The following MYO1A variants were observed in gnomAD, a reference collection of about 807,000 sequenced individuals.
MYO1A encodes the protein myosin IA, also known as unconventional myosin-Ia.
A neutral mutation model predicts 138.5 loss-of-function variants in MYO1A; 127 were observed. The ratio of observed to expected loss-of-function variants is 0.92; its 90% CI spans 0.79 to 1.06. The LOEUF (loss-of-function observed/expected upper bound fraction) is 1.06. Among genes scored for constraint, MYO1A ranks in the 50% least tolerant of loss-of-function variants. The pLI is 0.00. For synonymous variants in MYO1A, 477 were observed against 497.5 expected, an observed-to-expected ratio of 0.96 and a Z score of 0.55; for missense variants, 1,211 against 1,288.8, an observed-to-expected ratio of 0.94 and a Z score of 0.92.
intron 10 of MYO1A, 107 bp downstream of exon 10, chr12:57,043,749 G>A: frequency 6.9e-7 from 1 of 1,453,488 alleles, no homozygotes; most frequent in South Asian, 1.2e-5. Context: ...GGGCTGAGTG[G>A]GACTGCATCA....
chr12:57,032,740 G>C (rs1327501430), intron 22 of MYO1A, among the ~76,000 whole-genome samples: 1 of 152,172 alleles, frequency 6.6e-6, no homozygotes, highest in Non-Finnish European at 1.5e-5. Context: ...GAGGATCAGA[G>C]AGTAGGTCGG....
At chr12:57,044,044 C>A in intron 9 of MYO1A, 41 bp from the exon 10 acceptor site, 1 of 1,614,174 alleles carries the variant, frequency 6.2e-7, no homozygotes, top group Non-Finnish European at 8.5e-7. Flanking sequence ...ACTGTTGGTG[C>A]CAGTCCAATG....
chr12:57,037,557 G>A lies in MYO1A; in HGVS notation c.2046C>T (p.Ser682=), dbSNP rs758767443. The change falls in exon 19 of 28, where the codon AGC becomes AGT. Residue 682 remains serine, a synonymous_variant. Transcript: ENST00000300119. ...AFGKTKIFIR[S]PKTLFYLEEQ... ...GCACTCTCTAACTCACAGTCTTGGG[G>A]CTTCTAATGAAGATCTTTGTCTTGC... 7 of 1,613,976 alleles carry A rather than the reference G, an allele frequency of 4.3e-6. No homozygotes were observed. In the South Asian group the frequency reaches 6.6e-5, roughly 15 times the overall value.
intron 19 of MYO1A, 48 bp from the exon 20 acceptor site, chr12:57,037,139 A>AGTGCT (rs1592474594): frequency 2.5e-6 from 4 of 1,610,260 alleles, no homozygotes; most frequent in Non-Finnish European, 3.4e-6. Context: ...TCAGGGGAAC[A>AGTGCT]GTGCTGTCCT....
chr12:57,037,999 A>T lies in MYO1A; in HGVS notation c.1831T>A (p.Tyr611Asn), dbSNP rs145090019. The T allele has an allele frequency of 2.5e-6, 4 of 1,614,054 alleles. No individual in the cohort carries two copies. The African/African-American group carries it at 5.3e-5, about 22-fold the overall frequency. ...CGTACGTTCTCCAGCAGTCCCAGGT[A>T]CCGAGCCTGGGTTGCCACCAGGTCT... ...SSDLVATQAR[Y>N]LGLLENVRVR... The change falls in exon 18 of 28, where the codon TAC (tyrosine) becomes AAC (asparagine). Residue 611 changes from tyrosine (Y) to asparagine (N), a missense_variant. By Grantham distance (143) the Tyr-to-Asn change is moderately radical (BLOSUM62 -2). Coordinates refer to ENST00000300119, the MANE Select transcript of MYO1A (RefSeq NM_005379.4).
chr12:57,038,643 A>G lies in MYO1A; in HGVS notation c.1534-5T>C, dbSNP rs1311674245. The G allele has an allele frequency of 6.2e-7, 1 of 1,614,112 alleles. No individual in the cohort carries two copies. Among genetic ancestry groups the G allele is most frequent in the Non-Finnish European group, 8.5e-7 (1 of 1,179,946 alleles). On this transcript the variant is annotated splice_polypyrimidine_tract_variant and splice_region_variant and intron_variant, in intron 16 of 27. Transcript: ENST00000300119. ...GCTGGTCACGTTGTATGTCACCTGT[A>G]AAGGAGCAGCTATTGGTTTGGAGAC... is the stretch of plus-strand genomic sequence containing the variant.
intron 16 of MYO1A, 41 bp downstream of exon 16, chr12:57,038,768 G>A (rs1464187508): frequency 1.9e-6 from 3 of 1,613,076 alleles, no homozygotes; most frequent in African/African-American, 2.7e-5. Flanking sequence ...TTCAGTCTGG[G>A]CCTGAGCCCT....
chr12:57,039,358 C>G, intron 14 of MYO1A, 84 bp from the exon 15 acceptor site: 1 of 1,023,016 alleles, frequency 9.8e-7, no homozygotes, highest in East Asian at 2.4e-5. Flanking sequence ...TTTCACCCAC[C>G]CAACAAAGGA....
At chr12:57,029,683 A>T in intron 25 of MYO1A, 57 bp downstream of exon 25, 1 of 1,614,036 alleles carries the variant, frequency 6.2e-7, no homozygotes, top group Non-Finnish European at 8.5e-7. Flanking sequence ...TGCTCTCCAG[A>T]TGCCAGCCCA....
At position 57,029,558 on chromosome 12, in the gene MYO1A, C is replaced by G. The variant is rs2030161784; in HGVS notation, c.2754G>C (p.Lys918Asn). Residue 918 changes from lysine (K) to asparagine (N), a missense_variant, in exon 26 of 28, where the codon AAG becomes AAC. Coordinates refer to ENST00000300119, the MANE Select transcript of MYO1A (RefSeq NM_005379.4). ...TGGTGTCTGTGAGAATCACATGGCC[C>G]TTGGTCAGGAGGAGAATCCGAGAAG... is the stretch of plus-strand genomic sequence containing the variant. ...KTSSRILLLT[K>N]GHVILTDTKK... The G allele has an allele frequency of 6.2e-7, 1 of 1,614,048 alleles. No homozygotes were observed. Among genetic ancestry groups the G allele is most frequent in the Non-Finnish European group, 8.5e-7 (1 of 1,179,996 alleles).
Position 57,036,125 on chromosome 12 carries a change from C to T in MYO1A, c.2349+182G>A, listed in dbSNP as rs528678398. Among the ~76,000 whole-genome samples the T allele has an allele frequency of 2.0e-5, 3 of 152,312 alleles. No homozygotes were observed. In the East Asian group the frequency reaches 5.8e-4, roughly 29 times the overall value. The stretch of plus-strand genomic sequence containing the variant: ...CCAAAATGCTATCTGATTCTGCCCC[C>T]GAGTCCAAGGCACTGGGGCCTGGTC... On this transcript the variant is annotated intron_variant, in intron 22 of 27. Coordinates refer to ENST00000300119, the MANE Select transcript of MYO1A (RefSeq NM_005379.4).
intron 19 of MYO1A, 45 bp from the exon 20 acceptor site, chr12:57,037,136 A>C (rs368781471): frequency 3.2e-5 from 51 of 1,611,212 alleles, no homozygotes; most frequent in Non-Finnish European, 2.5e-6. Context: ...GGCTCAGGGG[A>C]ACAGTGCTGT....
rs776302026 is a variant in MYO1A, at chr12:57,038,627, G to A, written c.1545C>T (p.Asn515=). The A allele has an allele frequency of 8.1e-6, 13 of 1,614,062 alleles. No individual in the cohort carries two copies. Among genetic ancestry groups the A allele is most frequent in the African/African-American group, 5.3e-5 (4 of 74,920 alleles). The change falls in exon 17 of 28, where the codon AAC becomes AAT. Residue 515 remains asparagine (N), a synonymous_variant. Transcript: ENST00000300119. ...ICHYAGKVTY[N]VTSFIDKNND... is the part of the protein sequence containing the mutation. ...TATTCTTGTCAATAAAGCTGGTCAC[G>A]TTGTATGTCACCTGTAAAGGAGCAG...
At position 57,048,327 on chromosome 12, in the gene MYO1A, C is replaced by T. The variant is rs997310183; in HGVS notation, c.-4G>A. On this transcript the variant is annotated 5_prime_UTR_variant, in exon 2 of 28. Coordinates refer to ENST00000300119, the MANE Select transcript of MYO1A (RefSeq NM_005379.4). Reference sequence around the variant, plus strand: ...CAGAACCTTCCAGGAGAGGCATGTCCAGAGGGGCCACTGATCCTGGGAATA... The same window carrying T: ...CAGAACCTTCCAGGAGAGGCATGTCTAGAGGGGCCACTGATCCTGGGAATA... 5 of 1,605,424 alleles carry T rather than the reference C, an allele frequency of 3.1e-6. No individual in the cohort carries two copies. The highest frequency in any genetic ancestry group is 4.3e-6 in the Non-Finnish European group (5 of 1,172,186).
rs867675836 is a variant in MYO1A, at chr12:57,044,214, G to A, written c.641-5C>T. 1 of 1,612,722 alleles carries A rather than the reference G, an allele frequency of 6.2e-7. No individual in the cohort carries two copies. The highest frequency in any genetic ancestry group is 2.2e-5 in the East Asian group (1 of 44,854). On this transcript the variant is annotated splice_region_variant and splice_polypyrimidine_tract_variant and intron_variant, in intron 8 of 27. Coordinates refer to ENST00000300119, the MANE Select transcript of MYO1A (RefSeq NM_005379.4). Reference sequence around the variant, plus strand: ...CCCGCTCAAGCTTCAGGGCCTCTGGGAGGGCCAGTGTTGGGGAAGATGGTT... The same window carrying A: ...CCCGCTCAAGCTTCAGGGCCTCTGGAAGGGCCAGTGTTGGGGAAGATGGTT...
At chr12:57,030,165 T>C (rs372183309) in intron 24 of MYO1A, 45 bp downstream of exon 24, 2 of 1,526,432 alleles carry the variant, frequency 1.3e-6, no homozygotes, top group Non-Finnish European at 1.8e-6. Flanking sequence ...GTTTGAGAAC[T>C]GCTGCGTGAT....
intron 3 of MYO1A, 103 bp from the exon 4 acceptor site, chr12:57,047,824 G>A (rs1207976281): frequency 5.7e-6 from 9 of 1,567,454 alleles, no homozygotes; most frequent in Non-Finnish European, 7.8e-6. Context: ...TCTACTTGGA[G>A]CAGACTGGGC....
chr12:57,043,007 G>T, intron 12 of MYO1A, 65 bp downstream of exon 12: 1 of 1,512,928 alleles, frequency 6.6e-7, no homozygotes, highest in Non-Finnish European at 9.2e-7. Context: ...AAGATATAGG[G>T]CTGGTGACAG....
intron 17 of MYO1A, 120 bp from the exon 18 acceptor site, chr12:57,038,189 C>T (rs2030664180): frequency 1.6e-6 from 2 of 1,245,396 alleles, no homozygotes; most frequent in Non-Finnish European, 2.3e-6. Context: ...AGAAAGTAGA[C>T]ACACTGGCCT....
Sources: gnomAD v4.1 joint callset for allele counts (sites outside exome capture counted in the v4.1 genomes callset) on GRCh38, gnomAD v4.1.1 for gene constraint, MANE v1.5 for transcripts, NCBI Gene and HGNC (gene_info 2026-07-23, HGNC 2026-07-21) for gene names.